The following NAALADL2 variants were observed in gnomAD, a reference collection of about 807,000 sequenced individuals.
The protein encoded by NAALADL2 is N-acetylated alpha-linked acidic dipeptidase like 2.
NAALADL2 carries 76 observed loss-of-function variants against 87.2 expected under a neutral mutation model. The ratio of observed to expected loss-of-function variants is 0.87; its 90% CI spans 0.72 to 1.05. The LOEUF is 1.05. Ranked by LOEUF, NAALADL2 falls within the 50% of genes least tolerant of loss-of-function variation. The probability of loss-of-function intolerance (pLI) is 0.00; values close to 1 mark genes in which losing one functional copy is unlikely to be tolerated. For synonymous variants in NAALADL2, 354 were observed against 331.0 expected (o/e 1.07, Z -0.75); for missense variants, 1,089 against 945.8 (o/e 1.15, Z -1.99).
At chr3:175,108,831 T>C (rs1210913928) in intron 2 of NAALADL2, among the ~76,000 whole-genome samples, 1 of 151,934 alleles carries the variant, frequency 6.6e-6, no homozygotes, top group East Asian at 1.9e-4. Context: ...CAAATATTTA[T>C]TCTATTCCAT....
intron 2 of NAALADL2, among the ~76,000 whole-genome samples, chr3:174,705,723 C>T (rs1049522329): frequency 1.4e-5 from 2 of 145,498 alleles, no homozygotes; most frequent in Non-Finnish European, 3.0e-5. Context: ...GCGGAGCTTG[C>T]AGTGAGCCGA....
chr3:175,132,396 C>T (rs1362627754), intron 2 of NAALADL2, among the ~76,000 whole-genome samples: 1 of 78,290 alleles, frequency 1.3e-5, no homozygotes, highest in Non-Finnish European at 2.4e-5. Context: ...CGGGCAGAGG[C>T]GCCCCTCACC....
rs182935844 is a variant in NAALADL2, at chr3:175,722,057, G to A, written c.1897-15249G>A. Among the ~76,000 whole-genome samples the A allele has an allele frequency of 5.1e-4, 78 of 151,860 alleles. No homozygotes were observed. In the South Asian group the frequency reaches 0.015, roughly 28 times the overall value. Reference sequence around the variant, plus strand: ...ACCATCAATTTGGATTCTATTTCTCGCATTTTGTTGTCTGTAAAAGTAACG... The same window carrying A: ...ACCATCAATTTGGATTCTATTTCTCACATTTTGTTGTCTGTAAAAGTAACG... On this transcript the variant is annotated intron_variant, in intron 11 of 13. Coordinates refer to ENST00000454872, the MANE Select transcript of NAALADL2 (RefSeq NM_207015.3).
intron 3 of NAALADL2, among the ~76,000 whole-genome samples, chr3:174,803,924 T>C (rs970659883): frequency 1.3e-5 from 2 of 152,170 alleles, no homozygotes; most frequent in African/African-American, 4.8e-5. Flanking sequence ...GCTTTGTTCT[T>C]TTGCTTAGGA....
intron 2 of NAALADL2, among the ~76,000 whole-genome samples, chr3:175,200,015 A>C (rs1297160578): frequency 6.6e-6 from 1 of 151,108 alleles, no homozygotes; most frequent in Admixed American, 6.6e-5. Flanking sequence ...TACTTCGAAA[A>C]GTCCAACTGA....
At chr3:175,087,787 C>T (rs9850835) in intron 1 of NAALADL2, among the ~76,000 whole-genome samples, 28,041 of 151,250 alleles carry the variant, frequency 0.19, 2,626 homozygotes, top group East Asian at 0.32. Flanking sequence ...CCGCAGGGTC[C>T]TCTGCCTAGG....
At chr3:174,957,617 A>G (rs1472273479) in intron 1 of NAALADL2, among the ~76,000 whole-genome samples, 1 of 150,092 alleles carries the variant, frequency 6.7e-6, no homozygotes, top group East Asian at 1.9e-4. Context: ...TTTTTTTTGT[A>G]GTTGTTGATT....
Position 175,109,728 on chromosome 3 carries a change from G to C in NAALADL2, c.545+12437G>C, listed in dbSNP as rs901485288. Among the ~76,000 whole-genome samples the C allele has an allele frequency of 2.0e-5, 3 of 151,830 alleles. No individual in the cohort carries two copies. In the East Asian group the frequency reaches 5.8e-4, roughly 30 times the overall value. On this transcript the variant is annotated intron_variant, in intron 2 of 13. Coordinates refer to ENST00000454872, the MANE Select transcript of NAALADL2 (RefSeq NM_207015.3). ...TCTAGCATTACCCAGCAACTAACTG[G>C]TTGTCAGAGCCTGCCCCACCTCTTA...
chr3:175,681,650 C>G (rs1281207923), intron 11 of NAALADL2, among the ~76,000 whole-genome samples: 1 of 152,126 alleles, frequency 6.6e-6, no homozygotes, highest in Non-Finnish European at 1.5e-5. Context: ...TTGAAGAACA[C>G]TCTTTATTCC....
intron 12 of NAALADL2, among the ~76,000 whole-genome samples, chr3:175,742,184 G>C (rs36022875): frequency 6.6e-6 from 1 of 152,094 alleles, no homozygotes; most frequent in Non-Finnish European, 1.5e-5. Flanking sequence ...TGTCCACAAG[G>C]AATTTCCTCG....
At chr3:174,581,913 G>C (rs116391964) in intron 2 of NAALADL2, among the ~76,000 whole-genome samples, 2,022 of 152,278 alleles carry the variant, frequency 0.013, 23 homozygotes, top group Middle Eastern at 0.034. Context: ...TATCTCTATT[G>C]TGTTAAGCCA....
At chr3:175,022,167 G>A (rs1176597590) in intron 1 of NAALADL2, among the ~76,000 whole-genome samples, 2 of 151,964 alleles carry the variant, frequency 1.3e-5, no homozygotes, top group African/African-American at 2.4e-5. Flanking sequence ...CTGGTGCCAT[G>A]CTTCTTGTAT....
chr3:174,914,930 G>A (rs1304713641), intron 1 of NAALADL2, among the ~76,000 whole-genome samples: 1 of 152,072 alleles, frequency 6.6e-6, no homozygotes, highest in African/African-American at 2.4e-5. Context: ...ATGCTTTAGT[G>A]TACAAGTTTT....
chr3:174,977,395 G>A (rs908082279), intron 1 of NAALADL2, among the ~76,000 whole-genome samples: 3 of 152,146 alleles, frequency 2.0e-5, no homozygotes, highest in Non-Finnish European at 2.9e-5. Flanking sequence ...AAAGTACTGC[G>A]ATTACAGGCA....
chr3:175,045,929 A>G (rs541168472), intron 1 of NAALADL2, among the ~76,000 whole-genome samples: 2 of 152,158 alleles, frequency 1.3e-5, no homozygotes, highest in South Asian at 2.1e-4. Context: ...AACAAAATTA[A>G]TAAGTGCCTT....
chr3:175,047,944 G>C (rs1034711002), intron 1 of NAALADL2, among the ~76,000 whole-genome samples: 1 of 152,140 alleles, frequency 6.6e-6, no homozygotes, highest in African/African-American at 2.4e-5. Context: ...ATTTCACAGA[G>C]CATTTCCCAC....
intron 3 of NAALADL2, among the ~76,000 whole-genome samples, chr3:174,815,745 G>T (rs1271497648): frequency 1.3e-5 from 2 of 151,086 alleles, no homozygotes; most frequent in East Asian, 1.9e-4. Context: ...AATACAAAAT[G>T]TGATGGTATT....
chr3:175,201,666 T>C (rs1025004057), intron 2 of NAALADL2, among the ~76,000 whole-genome samples: 2 of 152,170 alleles, frequency 1.3e-5, no homozygotes, highest in African/African-American at 4.8e-5. Flanking sequence ...TAAATAACCA[T>C]ATTCTTTTAA....
chr3:174,951,258 G>C (rs1035349671), intron 1 of NAALADL2, among the ~76,000 whole-genome samples: 17 of 152,086 alleles, frequency 1.1e-4, no homozygotes, highest in African/African-American at 4.1e-4. Flanking sequence ...GTCATGTTAA[G>C]TTGAGACGTG....
Sources: gnomAD v4.1 joint callset for allele counts (sites outside exome capture counted in the v4.1 genomes callset) on GRCh38, gnomAD v4.1.1 for gene constraint, MANE v1.5 for transcripts, NCBI Gene and HGNC (gene_info 2026-07-23, HGNC 2026-07-21) for gene names.